NFASC: variants seen among roughly 807,000 people sequenced by gnomAD.
NFASC encodes the protein neurofascin.
NFASC carries 43 observed loss-of-function variants against 147.5 expected under a neutral mutation model. The observed-to-expected ratio is 0.29, with a 90% CI of 0.23 to 0.38. The LOEUF (loss-of-function observed/expected upper bound fraction) is 0.38, where lower values mean the gene tolerates loss of function less well. Ranked by LOEUF, NFASC falls within the 10% of genes least tolerant of loss-of-function variation. NFASC has a pLI of 1.00. For missense variants in NFASC, 1,320 were observed against 1,689.0 expected (o/e 0.78, Z 3.83); for synonymous variants, 622 against 665.5 (o/e 0.93, Z 1.01).
At chr1:204,965,141 A>T (rs906231280) in intron 8 of NFASC, among the ~76,000 whole-genome samples, 10 of 152,184 alleles carry the variant, frequency 6.6e-5, no homozygotes, top group Non-Finnish European at 1.2e-4. Flanking sequence ...TCTGAGTTTG[A>T]TCAGGCATTA....
chr1:204,958,169 C>T (rs1199421512), intron 8 of NFASC, among the ~76,000 whole-genome samples: 1 of 152,162 alleles, frequency 6.6e-6, no homozygotes, highest in Non-Finnish European at 1.5e-5. Context: ...AATTCAAGTG[C>T]ACCCCAGAGT....
chr1:204,982,937 T>C (rs1330002317), intron 21 of NFASC, among the ~76,000 whole-genome samples: 1 of 152,218 alleles, frequency 6.6e-6, no homozygotes, highest in African/African-American at 2.4e-5. Flanking sequence ...GGCTGGGCCC[T>C]GGGCCCCACT....
intron 1 of NFASC, among the ~76,000 whole-genome samples, chr1:204,918,643 T>A (rs923615704): frequency 6.7e-6 from 1 of 148,374 alleles, no homozygotes; most frequent in Non-Finnish European, 1.5e-5. Context: ...TGGAGTGCAG[T>A]GGCATGATCT....
intron 1 of NFASC, among the ~76,000 whole-genome samples, chr1:204,894,929 T>A (rs1305457804): frequency 5.3e-5 from 8 of 152,202 alleles, no homozygotes; most frequent in African/African-American, 1.9e-4. Flanking sequence ...GGCAGAAGGT[T>A]ATCTACCTAA....
intron 1 of NFASC, 30 bp from the exon 2 acceptor site, chr1:204,920,602 G>A: frequency 9.0e-7 from 1 of 1,115,532 alleles, no homozygotes; most frequent in Non-Finnish European, 1.2e-6. Flanking sequence ...GAGTAACCCT[G>A]GGGTTCTCCT....
chr1:204,887,697 A>G (rs2081586518), intron 1 of NFASC, among the ~76,000 whole-genome samples: 1 of 149,154 alleles, frequency 6.7e-6, no homozygotes. Flanking sequence ...CCCAGGCTCA[A>G]ACAGTCCTCC....
At chr1:204,977,568 A>G in intron 16 of NFASC, 113 bp from the exon 17 acceptor site, 1 of 898,742 alleles carries the variant, frequency 1.1e-6, no homozygotes. Flanking sequence ...CCTGCCTAGA[A>G]CACCTCAGCC....
intron 1 of NFASC, among the ~76,000 whole-genome samples, chr1:204,918,549 T>C (rs1055718397): frequency 6.6e-6 from 1 of 151,942 alleles, no homozygotes; most frequent in African/African-American, 2.4e-5. Flanking sequence ...TTCATTTGTT[T>C]CATTTTATCT....
intron 10 of NFASC, 78 bp downstream of exon 10, chr1:204,969,060 TG>T: frequency 7.3e-7 from 1 of 1,368,232 alleles, no homozygotes; most frequent in Non-Finnish European, 1.0e-6. Context: ...TGAGGGTGGT[TG>T]GGGGCAGAGT....
chr1:204,921,596 G>A (rs1191215541), intron 2 of NFASC, among the ~76,000 whole-genome samples: 1 of 152,130 alleles, frequency 6.6e-6, no homozygotes, highest in African/African-American at 2.4e-5. Context: ...GAGTGCCGAC[G>A]ACATGGACTT....
chr1:204,930,656 T>TA (rs2092284299), intron 2 of NFASC, among the ~76,000 whole-genome samples: 1 of 152,082 alleles, frequency 6.6e-6, no homozygotes, highest in Non-Finnish European at 1.5e-5. Flanking sequence ...TGGGGCATGC[T>TA]AGGAAGCACA....
intron 1 of NFASC, among the ~76,000 whole-genome samples, chr1:204,877,960 G>T (rs919005714): frequency 6.6e-6 from 1 of 152,174 alleles, no homozygotes; most frequent in Non-Finnish European, 1.5e-5. Context: ...TGCAGCCCTT[G>T]ATGGGTACTT....
At chr1:204,977,151 G>A in intron 16 of NFASC, 2 of 1,119,134 alleles carry the variant, frequency 1.8e-6, no homozygotes, top group South Asian at 3.9e-5. Flanking sequence ...AAGCAAGACT[G>A]AGTTTGTGTT....
chr1:204,863,302 G>A (rs1455732150), intron 1 of NFASC, among the ~76,000 whole-genome samples: 1 of 152,176 alleles, frequency 6.6e-6, no homozygotes, highest in Non-Finnish European at 1.5e-5. Context: ...ACTGTTTCAT[G>A]TCTTTGTCTC....
intron 25 of NFASC, chr1:204,998,390 C>T (rs2095894443): frequency 6.6e-6 from 1 of 152,272 alleles, no homozygotes; most frequent in South Asian, 2.1e-4. Flanking sequence ...ACCTTTGTCT[C>T]CTGGGCAAGT....
In NFASC at chr1:204,979,399, T is replaced by C; in HGVS notation, c.2016T>C (p.Pro672=). ...AGTTTGAAGAAGACCAGTTCCAACC[T>C]GGGGTCTGGCATGACCATTCCAAGT... is the stretch of plus-strand genomic sequence containing the variant. ...VVQFEEDQFQ[P]GVWHDHSKYP... is the part of the protein sequence containing the mutation. The change falls in exon 19 of 30, where the codon CCT becomes CCC. Residue 672 remains proline (P), a synonymous_variant. Transcript: ENST00000339876. This position sits in a 1 kb window ranked among gnomAD's most constrained non-coding sequence, Gnocchi z 6.0. 17 of 1,614,186 alleles carry C rather than the reference T, an allele frequency of 1.1e-5. No homozygotes were observed. Among genetic ancestry groups the C allele is most frequent in the Non-Finnish European group, 1.4e-5 (17 of 1,180,026 alleles).
At chr1:204,955,094 C>G (rs1276450896) in intron 7 of NFASC, 143 bp downstream of exon 7, 4 of 973,220 alleles carry the variant, frequency 4.1e-6, no homozygotes, top group Admixed American at 2.2e-5. Context: ...GCTGAGAACA[C>G]AGGCTCTGCA....
intron 27 of NFASC, among the ~76,000 whole-genome samples, chr1:205,007,016 A>C (rs1442095138): frequency 2.0e-5 from 3 of 151,972 alleles, no homozygotes; most frequent in African/African-American, 7.3e-5. Context: ...AAGCGCTAAG[A>C]ATAGAGGGGC....
At chr1:204,889,610 C>T (rs1177585665) in intron 1 of NFASC, among the ~76,000 whole-genome samples, 2 of 152,164 alleles carry the variant, frequency 1.3e-5, no homozygotes, top group African/African-American at 4.8e-5. Context: ...TCTTCTCAGC[C>T]CTGGGGACTT....
Sources: gnomAD v4.1 joint callset for allele counts (sites outside exome capture counted in the v4.1 genomes callset) on GRCh38, gnomAD v4.1.1 for gene constraint, Gnocchi (gnomAD v3.1) non-coding constraint, MANE v1.5 for transcripts, NCBI Gene and HGNC (gene_info 2026-07-23, HGNC 2026-07-21) for gene names.